The following ZBTB7C variants were observed in gnomAD, a reference collection of about 807,000 sequenced individuals.
The protein encoded by ZBTB7C is zinc finger and BTB domain-containing protein 7C.
ZBTB7C carries 8 observed loss-of-function variants against 25.7 expected under a neutral mutation model. The observed-to-expected ratio is 0.31, with a 90% CI of 0.18 to 0.56. ZBTB7C has a LOEUF of 0.56. Ranked by LOEUF, ZBTB7C falls within the 20% of genes least tolerant of loss-of-function variation. The probability of loss-of-function intolerance (pLI) is 0.91; values close to 1 mark genes in which losing one functional copy is unlikely to be tolerated. For synonymous variants in ZBTB7C, 394 were observed against 369.0 expected (o/e 1.07, Z -0.78); for missense variants, 824 against 855.2 (o/e 0.96, Z 0.46).
At chr18:48,112,250 T>C (rs920524413) in intron 3 of ZBTB7C, among the ~76,000 whole-genome samples, 22 of 150,040 alleles carry the variant, frequency 1.5e-4, no homozygotes, top group Non-Finnish European at 2.8e-4. Flanking sequence ...AATTCCAGTT[T>C]AATTTTTTTC....
At chr18:48,322,386 C>A (rs566671601) in intron 2 of ZBTB7C, among the ~76,000 whole-genome samples, 21 of 152,180 alleles carry the variant, frequency 1.4e-4, no homozygotes, top group Non-Finnish European at 2.9e-4. Context: ...CACCAAATGT[C>A]CCCTGGAAGA....
At chr18:48,077,478 G>A (rs1433886935) in intron 3 of ZBTB7C, among the ~76,000 whole-genome samples, 2 of 152,184 alleles carry the variant, frequency 1.3e-5, no homozygotes, top group South Asian at 2.1e-4. Context: ...GAGGAAGGGC[G>A]TGTGGGGCAC....
chr18:48,165,399 C>T (rs913185908), intron 3 of ZBTB7C: 2 of 345,080 alleles, frequency 5.8e-6, no homozygotes, highest in African/African-American at 4.3e-5. Context: ...ACTCTATGGC[C>T]CAAGTCCTCC....
chr18:48,064,085 T>G (rs1300247859), intron 3 of ZBTB7C, among the ~76,000 whole-genome samples: 2 of 152,162 alleles, frequency 1.3e-5, no homozygotes, highest in African/African-American at 4.8e-5. Context: ...CCCAGTCTAC[T>G]GGGAAACAGA....
chr18:48,203,917 C>T (rs1305109435), intron 2 of ZBTB7C, among the ~76,000 whole-genome samples: 3 of 152,234 alleles, frequency 2.0e-5, no homozygotes, highest in African/African-American at 7.2e-5. Context: ...GGGGTGTCTC[C>T]TCTACTCATA....
At chr18:48,199,227 T>C (rs1281456152) in intron 2 of ZBTB7C, among the ~76,000 whole-genome samples, 1 of 152,254 alleles carries the variant, frequency 6.6e-6, no homozygotes, top group East Asian at 1.9e-4. Context: ...GTGCCATTCA[T>C]TCTCGCAGTC....
At chr18:48,226,791 C>G (rs986641017) in intron 2 of ZBTB7C, among the ~76,000 whole-genome samples, 1 of 152,138 alleles carries the variant, frequency 6.6e-6, no homozygotes, top group Non-Finnish European at 1.5e-5. Context: ...GAGGCCAAGG[C>G]AGGCAGATCA....
intron 2 of ZBTB7C, among the ~76,000 whole-genome samples, chr18:48,315,430 A>T (rs1004770413): frequency 6.6e-6 from 1 of 152,086 alleles, no homozygotes; most frequent in African/African-American, 2.4e-5. Flanking sequence ...GGGACTCATG[A>T]TGTCCAAGGT....
At chr18:48,343,405 A>G (rs2046651076) in intron 1 of ZBTB7C, among the ~76,000 whole-genome samples, 1 of 152,198 alleles carries the variant, frequency 6.6e-6, no homozygotes, top group African/African-American at 2.4e-5. Flanking sequence ...ATAGAGTAAT[A>G]ATACCCACAC....
At chr18:48,285,182 T>C (rs917779576) in intron 2 of ZBTB7C, among the ~76,000 whole-genome samples, 3 of 152,234 alleles carry the variant, frequency 2.0e-5, no homozygotes, top group Non-Finnish European at 2.9e-5. Flanking sequence ...GAACCTTTTA[T>C]AGTCTTACTA....
At chr18:48,363,045 T>G (rs947207808) in intron 1 of ZBTB7C, among the ~76,000 whole-genome samples, 3 of 152,178 alleles carry the variant, frequency 2.0e-5, no homozygotes, top group African/African-American at 7.2e-5. Flanking sequence ...TACCTCAACA[T>G]CCTCTTCAAA....
intron 1 of ZBTB7C, among the ~76,000 whole-genome samples, chr18:48,340,573 T>A (rs573752896): frequency 6.6e-6 from 1 of 152,150 alleles, no homozygotes; most frequent in Non-Finnish European, 1.5e-5. Flanking sequence ...CCGGTCACCA[T>A]CCCACCCCGA....
chr18:48,029,841 C>T lies in ZBTB7C; in HGVS notation c.1279G>A (p.Ala427Thr). ...ERPYLCIHCNAKFVHNYDLKN... is the reference protein window; with the variant it reads ...ERPYLCIHCNTKFVHNYDLKN... ...AGGTCGTAGTTGTGCACGAACTTGG[C>T]GTTGCAGTGGATGCACAGGTAGGGC... The change falls in exon 5 of 5, where the codon GCC becomes ACC. Residue 427 changes from alanine (A) to threonine (T), a missense_variant. By Grantham distance (58) the Ala-to-Thr change is moderately conservative. Around this residue, in one of 4 missense-constraint regions of ZBTB7C, gnomAD observed 342 missense variants for 307.0 expected, o/e 1.11. Coordinates refer to ENST00000590800, the MANE Select transcript of ZBTB7C (RefSeq NM_001318841.2). 3 of 1,610,404 alleles carry T rather than the reference C, an allele frequency of 1.9e-6. No individual in the cohort carries two copies. The highest frequency in any genetic ancestry group is 2.5e-6 in the Non-Finnish European group (3 of 1,179,974).
chr18:48,298,715 G>A (rs1421514027), intron 2 of ZBTB7C, among the ~76,000 whole-genome samples: 1 of 152,202 alleles, frequency 6.6e-6, no homozygotes. Flanking sequence ...GAGCCCTCTG[G>A]GGTATAGTCT....
intron 2 of ZBTB7C, among the ~76,000 whole-genome samples, chr18:48,299,826 C>A (rs1344593126): frequency 6.6e-6 from 1 of 152,202 alleles, no homozygotes; most frequent in Non-Finnish European, 1.5e-5. Flanking sequence ...TATTTTCCTG[C>A]AAGTTAATAT....
chr18:48,254,353 G>C (rs1031453609), intron 2 of ZBTB7C, among the ~76,000 whole-genome samples: 1 of 152,196 alleles, frequency 6.6e-6, no homozygotes, highest in African/African-American at 2.4e-5. Flanking sequence ...TGGCCAAGTG[G>C]AAAGCCCATT....
At chr18:48,033,613 T>C (rs2035850907) in intron 4 of ZBTB7C, among the ~76,000 whole-genome samples, 1 of 152,212 alleles carries the variant, frequency 6.6e-6, no homozygotes, top group Non-Finnish European at 1.5e-5. Context: ...CAGAGGATCA[T>C]CTAGTTTACC....
chr18:48,313,268 C>T (rs929720184), intron 2 of ZBTB7C, among the ~76,000 whole-genome samples: 10 of 152,268 alleles, frequency 6.6e-5, no homozygotes, highest in East Asian at 5.8e-4. Context: ...CCCTAGAGTT[C>T]GGAGTGAGTC....
chr18:48,035,169 T>C (rs535166777), intron 4 of ZBTB7C, among the ~76,000 whole-genome samples: 104 of 152,360 alleles, frequency 6.8e-4, no homozygotes, highest in Non-Finnish European at 1.2e-3. Flanking sequence ...AGCATTCGGC[T>C]GGCACTGGAG....
Sources: gnomAD v4.1 joint callset for allele counts (sites outside exome capture counted in the v4.1 genomes callset) on GRCh38, gnomAD v4.1.1 for gene constraint, gnomAD v4.1.1 regional missense constraint, MANE v1.5 for transcripts, NCBI Gene and HGNC (gene_info 2026-07-23, HGNC 2026-07-21) for gene names.